MGAT4B: variants seen among roughly 807,000 people sequenced by gnomAD.
The protein encoded by MGAT4B is alpha-1,3-mannosyl-glycoprotein 4-beta-N-acetylglucosaminyltransferase B, also known as N-acetylglucosaminyltransferase IVb.
Under a neutral mutation model 73.9 loss-of-function variants are expected in MGAT4B, and 38 were observed. That is an observed-to-expected ratio of 0.51 (90% CI 0.40 to 0.67). MGAT4B has a LOEUF of 0.67. Ranked by LOEUF, MGAT4B falls within the 30% of genes least tolerant of loss-of-function variation. MGAT4B has a pLI of 0.00. For missense variants in MGAT4B, 686 were observed against 735.2 expected (o/e 0.93, Z 0.77); for synonymous variants, 373 against 313.5 (o/e 1.19, Z -2.01).
At chr5:179,798,115 G>A in intron 14 of MGAT4B, 47 bp from the exon 15 acceptor site, 1 of 1,599,982 alleles carries the variant, frequency 6.3e-7, no homozygotes. Context: ...AGCTCCGCCA[G>A]GGTCTCCCTG....
chr5:179,800,738 A>G, intron 5 of MGAT4B, 141 bp from the exon 6 acceptor site: 1 of 977,188 alleles, frequency 1.0e-6, no homozygotes, highest in Admixed American at 2.5e-5. Context: ...GAGGTAGCAG[A>G]GCTCCAGAGG....
Position 179,800,589 on chromosome 5 carries a change from G to A in MGAT4B, c.614C>T (p.Thr205Met), listed in dbSNP as rs754559279. 15 of 1,605,164 alleles carry A rather than the reference G, an allele frequency of 9.3e-6. 1 individual carries two copies. The highest frequency in any genetic ancestry group is 7.7e-5 in the South Asian group (7 of 90,470). ...VTENIKALFPTEIHSGLLEVI... is the reference protein window; with the variant it reads ...VTENIKALFPMEIHSGLLEVI... ...CTCCAGGAGCCCAGAATGGATCTCC[G>A]TGGGGAACCTGGGGGACGGGAAGGC... The change falls in exon 6 of 15, where the codon ACG (threonine) becomes ATG (methionine). Residue 205 changes from threonine (T) to methionine (M), a missense_variant. This residue lies in a region of MGAT4B where 449 missense variants were observed against 536.8 expected (regional missense o/e 0.84). Transcript: ENST00000292591.
At chr5:179,799,394 C>A in intron 9 of MGAT4B, 84 bp from the exon 10 acceptor site, 1 of 1,604,682 alleles carries the variant, frequency 6.2e-7, no homozygotes. Flanking sequence ...CAGGGCCCTC[C>A]CACAGCTGAC....
chr5:179,802,526 G>A (rs1346960754), intron 1 of MGAT4B: 1 of 1,005,046 alleles, frequency 9.9e-7, no homozygotes, highest in African/African-American at 1.7e-5. Context: ...GAGCAAATGA[G>A]GTTGAGAAAC....
chr5:179,798,557 C>T lies in MGAT4B; in HGVS notation c.1378G>A (p.Glu460Lys), dbSNP rs201470380. 1.0e-4 allele frequency: 165 copies of T among 1,613,560 alleles called. No homozygotes were observed. Among genetic ancestry groups the T allele is most frequent in the Non-Finnish European group, 2.6e-5 (31 of 1,180,026 alleles). The change falls in exon 12 of 15, where the codon GAG (glutamate) becomes AAG (lysine). Residue 460 changes from glutamate (E) to lysine (K), a missense_variant. Physicochemically the swap from Glu to Lys is moderately conservative, Grantham distance 56. Transcript: ENST00000292591. ...FFRSGNIEHP[E>K]DKLFNTSVEV... is the part of the protein sequence containing the mutation. ...ACAGACGTGTTGAAGAGCTTGTCCT[C>T]CGGGTGCTCGATGTTCCCACTGCGG...
In MGAT4B at chr5:179,798,499, C is replaced by G; in HGVS notation, c.1422+14G>C. On this transcript the variant is annotated intron_variant, in intron 12 of 14. Coordinates refer to ENST00000292591, the MANE Select transcript of MGAT4B (RefSeq NM_014275.5). ...AGGCCCGGCTTCAGTGCACACCACACCCACCGAACTTACGTCGAAGGGCAG... is the reference window on the plus strand; with the variant it reads ...AGGCCCGGCTTCAGTGCACACCACAGCCACCGAACTTACGTCGAAGGGCAG... 1 of 1,613,478 alleles carries G rather than the reference C, an allele frequency of 6.2e-7. No individual in the cohort carries two copies. Among genetic ancestry groups the G allele is most frequent in the Middle Eastern group, 1.6e-4 (1 of 6,062 alleles).
Position 179,806,642 on chromosome 5 carries a change from G to C in MGAT4B, c.-59C>G. On this transcript the variant is annotated 5_prime_UTR_variant, in exon 1 of 15. Transcript: ENST00000292591. This position sits in a 1 kb window ranked among gnomAD's most constrained non-coding sequence, Gnocchi z 4.6. ...GAGGCTGCATGGCCCGGGGGACCGGGGCCGGGGCGCAGGGGTCGGAAGGCG... is the reference window on the plus strand; with the variant it reads ...GAGGCTGCATGGCCCGGGGGACCGGCGCCGGGGCGCAGGGGTCGGAAGGCG... 1.0e-6 allele frequency: 1 copy of C among 975,814 alleles called. No individual in the cohort carries two copies. Among genetic ancestry groups the C allele is most frequent in the Non-Finnish European group, 1.3e-6 (1 of 792,760 alleles). 60.4% of individuals were successfully genotyped at this position (975,814 alleles called of 1,614,324 possible).
rs901208614 is a variant in MGAT4B at position 179,801,227 on chromosome 5, G to C, written c.558+107C>G. 1 of 1,424,742 alleles carries C rather than the reference G, an allele frequency of 7.0e-7. No homozygotes were observed. Among genetic ancestry groups the C allele is most frequent in the Non-Finnish European group, 9.3e-7 (1 of 1,071,916 alleles). The allele number at this position is 1,424,742 out of a possible 1,614,324, so 88.3% of individuals were successfully genotyped here. The stretch of plus-strand genomic sequence containing the variant: ...CTCGGAGCATTTGCGAATGAAACTA[G>C]CAACTGAACTTCCGACAGCTTTCTC... On this transcript the variant is annotated intron_variant, in intron 4 of 14. Coordinates refer to ENST00000292591, the MANE Select transcript of MGAT4B (RefSeq NM_014275.5). The surrounding 1 kb of genome is among the most constrained non-coding windows in gnomAD (Gnocchi z 4.8).
intron 8 of MGAT4B, 154 bp from the exon 9 acceptor site, chr5:179,799,790 G>A (rs1421326056): frequency 1.6e-6 from 2 of 1,277,410 alleles, no homozygotes; most frequent in Non-Finnish European, 2.2e-6. Context: ...GGGCAGACAT[G>A]TCTGATGCAC....
Position 179,798,564 on chromosome 5 carries a change from C to G in MGAT4B, c.1371G>C (p.Glu457Asp). 1 of 1,613,520 alleles carries G rather than the reference C, an allele frequency of 6.2e-7. No individual in the cohort carries two copies. Among genetic ancestry groups the G allele is most frequent in the Non-Finnish European group, 8.5e-7 (1 of 1,180,016 alleles). The change falls in exon 12 of 15, where the codon GAG becomes GAC. Residue 457 changes from glutamate (E) to aspartate (D), a missense_variant. Transcript: ENST00000292591. Reference protein sequence around the residue: ...ERFFFRSGNIEHPEDKLFNTS... With the variant: ...ERFFFRSGNIDHPEDKLFNTS... ...TGTTGAAGAGCTTGTCCTCCGGGTG[C>G]TCGATGTTCCCACTGCGGAAGAAGA...
intron 5 of MGAT4B, 152 bp downstream of exon 5, chr5:179,800,755 G>T: frequency 9.7e-7 from 1 of 1,026,058 alleles, no homozygotes. Flanking sequence ...GAGGGGCTGG[G>T]CCACTTCTGC....
In MGAT4B at chr5:179,797,975, CGG is replaced by C. The variant is rs1756721976; in HGVS notation, c.*68_*69del. ...GGGGCCGTATCTGGCCCTCCGGGGA[CGG>C]CAGTGACGACACCCCCAGAAATGTG... is the stretch of plus-strand genomic sequence containing the variant. On this transcript the variant is annotated 3_prime_UTR_variant, in exon 15 of 15. Transcript: ENST00000292591. 1 of 1,544,748 alleles carries C rather than the reference CGG, an allele frequency of 6.5e-7. No individual in the cohort carries two copies. The highest frequency in any genetic ancestry group is 1.9e-5 in the Admixed American group (1 of 52,940).
chr5:179,802,285 G>A, intron 1 of MGAT4B: 1 of 1,412,706 alleles, frequency 7.1e-7, no homozygotes, highest in Non-Finnish European at 9.2e-7. Flanking sequence ...GCAAGGGCTG[G>A]AACAGCCTCA....
In MGAT4B at chr5:179,799,057, G is replaced by A; in HGVS notation, c.1214C>T (p.Thr405Met). The A allele has an allele frequency of 2.5e-6, 4 of 1,613,978 alleles. No individual in the cohort carries two copies. Among genetic ancestry groups the A allele is most frequent in the Non-Finnish European group, 2.5e-6 (3 of 1,180,040 alleles). ...EHVNPPAEVS[T>M]SLKTYQHFTL... ...GAAGTGCTGGTATGTCTTCAGGCTCGTGCTCACCTCTGCTGGCGGGTTCAC... is the reference window on the plus strand; with the variant it reads ...GAAGTGCTGGTATGTCTTCAGGCTCATGCTCACCTCTGCTGGCGGGTTCAC... The change falls in exon 11 of 15, where the codon ACG (threonine) becomes ATG (methionine). Residue 405 changes from threonine (T) to methionine (M), a missense_variant. Transcript: ENST00000292591.
At position 179,799,514 on chromosome 5, in the gene MGAT4B, T is replaced by C. The variant is rs1280081782; in HGVS notation, c.1033A>G (p.Lys345Glu). ...ILWVKVCNPE[K>E]DAKHCDRQKA... ...CGCCAGCTCTTGCTCACCGCATCCT[T>C]CTCGGGGTTGCAGACTTTCACCCAC... is the stretch of plus-strand genomic sequence containing the variant. Residue 345 changes from lysine (K) to glutamate (E), a missense_variant, in exon 9 of 15, where the codon AAG becomes GAG. Coordinates refer to ENST00000292591, the MANE Select transcript of MGAT4B (RefSeq NM_014275.5). The C allele has an allele frequency of 6.2e-7, 1 of 1,613,790 alleles. No homozygotes were observed. Among genetic ancestry groups the C allele is most frequent in the East Asian group, 2.2e-5 (1 of 44,862 alleles).
chr5:179,798,789 C>T, intron 11 of MGAT4B, 139 bp downstream of exon 11: 1 of 1,149,670 alleles, frequency 8.7e-7, no homozygotes. Context: ...CTGACTTAGT[C>T]CTCACAAGGT....
chr5:179,798,399 G>T lies in MGAT4B; in HGVS notation c.1458C>A (p.Gly486=). The part of the protein sequence containing the change: ...PQSDKEALQE[G]RTATLRYPRS... The stretch of plus-strand genomic sequence containing the variant: ...GAGGGTACCGGAGGGTGGCGGTGCG[G>T]CCCTCCTGCAGGGCCTCCTTGTCTG... The change falls in exon 13 of 15, where the codon GGC becomes GGA. Residue 486 remains glycine (G), a synonymous_variant. Coordinates refer to ENST00000292591, the MANE Select transcript of MGAT4B (RefSeq NM_014275.5). The T allele has an allele frequency of 6.2e-7, 1 of 1,612,672 alleles. No homozygotes were observed. Among genetic ancestry groups the T allele is most frequent in the Non-Finnish European group, 8.5e-7 (1 of 1,179,904 alleles).
intron 1 of MGAT4B, chr5:179,802,270 C>G (rs1441782703): frequency 7.1e-7 from 1 of 1,416,736 alleles, no homozygotes; most frequent in Non-Finnish European, 9.2e-7. Context: ...GTAGGTGGAT[C>G]CTAAGCAAGG....
chr5:179,805,977 C>T (rs529425198), intron 1 of MGAT4B, among the ~76,000 whole-genome samples: 2 of 10,124 alleles, frequency 2.0e-4, no homozygotes, highest in South Asian at 7.4e-3. Context: ...CCTCAGGACG[C>T]CTCCCTCCCT....
Sources: allele counts gnomAD v4.1 joint callset (sites outside exome capture counted in the v4.1 genomes callset), GRCh38; gene constraint gnomAD v4.1.1; regional missense constraint gnomAD v4.1.1; non-coding constraint Gnocchi (gnomAD v3.1); transcripts MANE v1.5; gene names NCBI Gene and HGNC (gene_info 2026-07-23, HGNC 2026-07-21).